Variants in COL1A1 observed in about 807,000 individuals in gnomAD.
COL1A1 encodes collagen type I alpha 1 chain.
Under a neutral mutation model 195.7 loss-of-function variants are expected in COL1A1, and 21 were observed. The observed-to-expected ratio is 0.11, with a 90% CI of 0.08 to 0.15. COL1A1 has a LOEUF of 0.15. Ranked by LOEUF, COL1A1 falls within the 10% of genes least tolerant of loss-of-function variation. COL1A1 has a pLI of 1.00. For synonymous variants in COL1A1, 749 were observed against 747.3 expected (o/e 1.00, Z -0.04); for missense variants, 1,365 against 2,051.0 (o/e 0.67, Z 6.46).
rs1224989662 is a variant in COL1A1 at position 50,186,261 on chromosome 17, C to T, written c.4005+56G>A. 35 of 1,607,262 alleles carry T rather than the reference C, an allele frequency of 2.2e-5. No homozygotes were observed. Among genetic ancestry groups the T allele is most frequent in the Non-Finnish European group, 2.7e-5 (32 of 1,176,424 alleles). On this transcript the variant is annotated intron_variant, in intron 49 of 50. Coordinates refer to ENST00000225964, the MANE Select transcript of COL1A1 (RefSeq NM_000088.4). This position sits in a 1 kb window ranked among gnomAD's most constrained non-coding sequence, Gnocchi z 5.3. Reference sequence around the variant, plus strand: ...CCTACTCCAGGACTTCATGTCCCTTCTGAGCACTGGGCTAGCCCATCTCCT... The same window carrying T: ...CCTACTCCAGGACTTCATGTCCCTTTTGAGCACTGGGCTAGCCCATCTCCT...
chr17:50,196,039 G>C (rs921255837), intron 15 of COL1A1, 63 bp from the exon 16 acceptor site: 1 of 1,602,024 alleles, frequency 6.2e-7, no homozygotes, highest in Non-Finnish European at 8.5e-7. Context: ...CACACCCTGG[G>C]ACAGAGGAAG....
In COL1A1 at chr17:50,195,888, G is replaced by A. The variant is rs1420667415; in HGVS notation, c.1056+35C>T. ...GGGAGACATGAACCCCTTGGCCCATGAGGGTCATGCTTAGAGGAGAGTGGG... is the reference window on the plus strand; with the variant it reads ...GGGAGACATGAACCCCTTGGCCCATAAGGGTCATGCTTAGAGGAGAGTGGG... On this transcript the variant is annotated intron_variant, in intron 16 of 50. Transcript: ENST00000225964. This position sits in a 1 kb window ranked among gnomAD's most constrained non-coding sequence, Gnocchi z 4.3. 3 of 1,560,706 alleles carry A rather than the reference G, an allele frequency of 1.9e-6. No individual in the cohort carries two copies. Among genetic ancestry groups the A allele is most frequent in the African/African-American group, 1.4e-5 (1 of 73,688 alleles).
In COL1A1 at chr17:50,186,328, C is replaced by T. The variant is rs754984293; in HGVS notation, c.3994G>A (p.Asp1332Asn). 2.0e-5 allele frequency: 32 copies of T among 1,614,114 alleles called. No homozygotes were observed. The highest frequency in any genetic ancestry group is 4.5e-5 in the East Asian group (2 of 44,902). ...TCCAGCTCACGCACCTGGAATCCAT[C>T]GGTCATGCTCTCGCCGAACCAGACA... ...RHVWFGESMT[D>N]GFQFEYGGQG... The change falls in exon 49 of 51, where the codon GAT becomes AAT. Residue 1332 changes from aspartate (D) to asparagine (N), a missense_variant. Coordinates refer to ENST00000225964, the MANE Select transcript of COL1A1 (RefSeq NM_000088.4). The surrounding 1 kb of genome is among the most constrained non-coding windows in gnomAD (Gnocchi z 5.3).
At position 50,184,199 on chromosome 17, in the gene COL1A1, C is replaced by T; in HGVS notation, c.*1303G>A. 1 of 228,418 alleles carries T rather than the reference C, an allele frequency of 4.4e-6. No homozygotes were observed. Among genetic ancestry groups the T allele is most frequent in the Non-Finnish European group, 8.7e-6 (1 of 114,740 alleles). The allele number at this position is 228,418 out of a possible 1,614,324, so 14.1% of individuals were successfully genotyped here. On this transcript the variant is annotated 3_prime_UTR_variant, in exon 51 of 51. Transcript: ENST00000225964. ...AAAATAGGTACAGAGTCTTTTGCTT[C>T]CTCCCACCCCTAGGGGGAAAAACTG...
chr17:50,196,627 G>A lies in COL1A1; in HGVS notation c.848C>T (p.Ala283Val). ...LDGAKGDAGP[A>V]GPKGEPGSPG... ...CAGACAGCCTCTTACCTTAGGACCA[G>A]CAGGACCAGCATCTCCCTTGGCACC... is the stretch of plus-strand genomic sequence containing the variant. Residue 283 changes from alanine (A) to valine (V), a missense_variant, in exon 12 of 51, where the codon GCT (alanine) becomes GTT (valine). By Grantham distance (64) the Ala-to-Val change is moderately conservative (BLOSUM62 0). This residue lies in a region of COL1A1 where 226 missense variants were observed against 372.9 expected (regional missense o/e 0.61). Transcript: ENST00000225964. 1 of 1,614,192 alleles carries A rather than the reference G, an allele frequency of 6.2e-7. No homozygotes were observed. Among genetic ancestry groups the A allele is most frequent in the South Asian group, 1.1e-5 (1 of 91,086 alleles).
Position 50,195,508 on chromosome 17 carries a change from C to T in COL1A1, c.1156-30G>A, listed in dbSNP as rs199521040. On this transcript the variant is annotated intron_variant, in intron 17 of 50. Coordinates refer to ENST00000225964, the MANE Select transcript of COL1A1 (RefSeq NM_000088.4). This position sits in a 1 kb window ranked among gnomAD's most constrained non-coding sequence, Gnocchi z 4.3. ...GGCACAGAGAAAGGAGTGTCAGCAA[C>T]AGGCAAGGACTCTGAGGTTAGAAAG... 1.2e-6 allele frequency: 2 copies of T among 1,614,106 alleles called. No homozygotes were observed. The highest frequency in any genetic ancestry group is 1.7e-6 in the Non-Finnish European group (2 of 1,180,000).
chr17:50,192,840 C>A lies in COL1A1; in HGVS notation c.1832G>T (p.Gly611Val). Reference sequence around the variant, plus strand: ...CTGAGCTCCAGCCTCTCCATCTTTGCCAGCAGGACCCTGCAGGGAGAGAGC... The same window carrying A: ...CTGAGCTCCAGCCTCTCCATCTTTGACAGCAGGACCCTGCAGGGAGAGAGC... ...PGPPGAVGPA[G>V]KDGEAGAQGP... The change falls in exon 27 of 51, where the codon GGC (glycine) becomes GTC (valine). Residue 611 changes from glycine (G) to valine (V), a missense_variant. Coordinates refer to ENST00000225964, the MANE Select transcript of COL1A1 (RefSeq NM_000088.4). 6.2e-7 allele frequency: 1 copy of A among 1,614,124 alleles called. No individual in the cohort carries two copies.
At position 50,201,615 on chromosome 17, in the gene COL1A1, G is replaced by A. The variant is rs1024885199; in HGVS notation, c.-102C>T. The A allele has an allele frequency of 2.4e-5, 24 of 1,017,598 alleles. 1 individual carries two copies. In the Middle Eastern group the frequency reaches 9.6e-4, roughly 41 times the overall value. The allele number at this position is 1,017,598 out of a possible 1,614,324, so 63.0% of individuals were successfully genotyped here. ...GCGTGCCTCCTGCTCCGACCCCGAG[G>A]AGAAACTCCCGTCTGCTCCGACGAC... On this transcript the variant is annotated 5_prime_UTR_variant, in exon 1 of 51. Coordinates refer to ENST00000225964, the MANE Select transcript of COL1A1 (RefSeq NM_000088.4).
At position 50,185,201 on chromosome 17, in the gene COL1A1, A is replaced by G. The variant is rs957278926; in HGVS notation, c.*301T>C. On this transcript the variant is annotated 3_prime_UTR_variant, in exon 51 of 51. Coordinates refer to ENST00000225964, the MANE Select transcript of COL1A1 (RefSeq NM_000088.4). ...CGGGCAGAAAGGGACTTACCCCCGC[A>G]TGGGTCTTCAAGCAAGTGGACCAAG... 7 of 390,838 alleles carry G rather than the reference A, an allele frequency of 1.8e-5. No homozygotes were observed. Among genetic ancestry groups the G allele is most frequent in the East Asian group, 1.4e-4 (3 of 22,138 alleles). The allele number at this position is 390,838 out of a possible 1,614,324, so 24.2% of individuals were successfully genotyped here. A position where few individuals can be genotyped will look rare whatever the true frequency, so the allele number is the denominator to read the frequency against.
chr17:50,200,112 G>C (rs1907955741), intron 1 of COL1A1, 165 bp from the exon 2 acceptor site: 1 of 772,402 alleles, frequency 1.3e-6, no homozygotes, highest in African/African-American at 1.7e-5. Flanking sequence ...CATCAGCGCG[G>C]GTGACAGCGC....
intron 25 of COL1A1, 85 bp from the exon 26 acceptor site, chr17:50,193,132 T>C: frequency 7.4e-7 from 1 of 1,344,220 alleles, no homozygotes; most frequent in Non-Finnish European, 1.1e-6. Flanking sequence ...TGAGTGGGAC[T>C]TTTTAAGGGA....
chr17:50,193,825 G>T, intron 25 of COL1A1, 118 bp downstream of exon 25: 2 of 893,228 alleles, frequency 2.2e-6, no homozygotes, highest in Non-Finnish European at 3.7e-6. Context: ...GGTCCAGAAA[G>T]TGAGAGTGAG....
At chr17:50,192,236 C>T in intron 29 of COL1A1, 1 of 721,908 alleles carries the variant, frequency 1.4e-6, no homozygotes, top group Non-Finnish European at 2.3e-6. Flanking sequence ...CAAGATTTAT[C>T]AATAGAAGGG....
rs759419228 is a variant in COL1A1 at position 50,201,394 on chromosome 17, A to G, written c.103+17T>C. ...CGATATAGAGTATCCTTGCACTCCCAAAAGTTTGGGACTTACTGTCTTCGT... is the reference window on the plus strand; with the variant it reads ...CGATATAGAGTATCCTTGCACTCCCGAAAGTTTGGGACTTACTGTCTTCGT... On this transcript the variant is annotated intron_variant, in intron 1 of 50. Coordinates refer to ENST00000225964, the MANE Select transcript of COL1A1 (RefSeq NM_000088.4). The G allele has an allele frequency of 3.7e-6, 6 of 1,613,002 alleles. No individual in the cohort carries two copies. The South Asian group carries it at 5.5e-5, about 15-fold the overall frequency.
chr17:50,201,309 A>G, intron 1 of COL1A1, 102 bp downstream of exon 1: 1 of 1,059,420 alleles, frequency 9.4e-7, no homozygotes. Context: ...TCCATTCCCG[A>G]GTCTCCGGAT....
At position 50,185,552 on chromosome 17, in the gene COL1A1, C is replaced by A; in HGVS notation, c.4345G>T (p.Ala1449Ser). 6.2e-7 allele frequency: 1 copy of A among 1,612,900 alleles called. No individual in the cohort carries two copies. Among genetic ancestry groups the A allele is most frequent in the South Asian group, 1.1e-5 (1 of 91,010 alleles). ...TCGAAGCCGAATTCCTGGTCTGGGG[C>A]ACCAACGTCCAAGGGGGCCACATCG... ...IIDVAPLDVG[A>S]PDQEFGFDVG... The change falls in exon 51 of 51, where the codon GCC becomes TCC. Residue 1449 changes from alanine to serine, a missense_variant. Physicochemically the swap from Ala to Ser is moderately conservative, Grantham distance 99 (BLOSUM62 1). Around this residue, in one of 5 missense-constraint regions of COL1A1, gnomAD observed 273 missense variants for 338.6 expected, o/e 0.81. Coordinates refer to ENST00000225964, the MANE Select transcript of COL1A1 (RefSeq NM_000088.4).
In COL1A1 at chr17:50,189,940, C is replaced by T; in HGVS notation, c.2560-28G>A. On this transcript the variant is annotated intron_variant, in intron 36 of 50. Transcript: ENST00000225964. This position sits in a 1 kb window ranked among gnomAD's most constrained non-coding sequence, Gnocchi z 5.5. Reference sequence around the variant, plus strand: ...GTAGGAGAGCACAGAGGCATCAAGCCTGGACCCGTCCTGGGTCCCAGCCCA... The same window carrying T: ...GTAGGAGAGCACAGAGGCATCAAGCTTGGACCCGTCCTGGGTCCCAGCCCA... 6.2e-7 allele frequency: 1 copy of T among 1,611,752 alleles called. No individual in the cohort carries two copies. Among genetic ancestry groups the T allele is most frequent in the Non-Finnish European group, 8.5e-7 (1 of 1,178,944 alleles).
rs1296575680 is a variant in COL1A1 at position 50,189,118 on chromosome 17, G to A, written c.2937+50C>T. On this transcript the variant is annotated intron_variant, in intron 40 of 50. Coordinates refer to ENST00000225964, the MANE Select transcript of COL1A1 (RefSeq NM_000088.4). This position sits in a 1 kb window ranked among gnomAD's most constrained non-coding sequence, Gnocchi z 5.5. The stretch of plus-strand genomic sequence containing the variant: ...TCTCCTTGGCTCCGCCCCACTCCAA[G>A]TCCTGTGATGGTTTTTCTCAGGGCC... 1 of 1,600,320 alleles carries A rather than the reference G, an allele frequency of 6.2e-7. No individual in the cohort carries two copies. Among genetic ancestry groups the A allele is most frequent in the Admixed American group, 1.7e-5 (1 of 59,782 alleles).
chr17:50,196,314 A>T lies in COL1A1; in HGVS notation c.957T>A (p.Ala319=). 1 of 1,608,562 alleles carries T rather than the reference A, an allele frequency of 6.2e-7. No individual in the cohort carries two copies. Among genetic ancestry groups the T allele is most frequent in the Non-Finnish European group, 8.5e-7 (1 of 1,177,152 alleles). ...CCCCCAAGGGGCCAGGAGTACTTAC[A>T]GCAGGGCCAGGGGCTCCAGGGCGAC... is the stretch of plus-strand genomic sequence containing the variant. ...ERGRPGAPGP[A]GARGNDGATG... The change falls in exon 14 of 51, where the codon GCT becomes GCA. Residue 319 remains alanine, a splice_region_variant and synonymous_variant. Coordinates refer to ENST00000225964, the MANE Select transcript of COL1A1 (RefSeq NM_000088.4).
Sources: allele counts gnomAD v4.1 joint callset, GRCh38; gene constraint gnomAD v4.1.1; regional missense constraint gnomAD v4.1.1; non-coding constraint Gnocchi (gnomAD v3.1); transcripts MANE v1.5; gene names NCBI Gene and HGNC (gene_info 2026-07-23, HGNC 2026-07-21).